Variants in CSGALNACT1 observed in about 807,000 individuals in gnomAD.
CSGALNACT1 encodes the protein beta4GalNAcT-1.
Under a neutral mutation model 51.0 loss-of-function variants are expected in CSGALNACT1, and 52 were observed. The ratio of observed to expected loss-of-function variants is 1.02; its 90% CI spans 0.82 to 1.29. CSGALNACT1 has a LOEUF of 1.29. Among genes scored for constraint, CSGALNACT1 ranks in the 50% most tolerant of loss-of-function variants. CSGALNACT1 has a pLI of 0.00. For missense variants in CSGALNACT1, 935 were observed against 679.2 expected, an observed-to-expected ratio of 1.38 and a Z score of -4.19; for synonymous variants, 341 against 254.4, an observed-to-expected ratio of 1.34 and a Z score of -3.24.
chr8:19,569,893 C>T (rs35265506), intron 3 of CSGALNACT1, among the ~76,000 whole-genome samples: 48,793 of 152,064 alleles, frequency 0.32, 9,611 homozygotes, highest in African/African-American at 0.57. Context: ...ACTACTGCTA[C>T]ATGCAGCCAT....
At chr8:19,590,982 T>C (rs2047690008) in intron 3 of CSGALNACT1, among the ~76,000 whole-genome samples, 1 of 152,176 alleles carries the variant, frequency 6.6e-6, no homozygotes. Flanking sequence ...ATTAGGTATT[T>C]CCTTTGTTCA....
intron 3 of CSGALNACT1, among the ~76,000 whole-genome samples, chr8:19,560,313 T>TTCA (rs1404006296): frequency 2.0e-5 from 3 of 152,164 alleles, no homozygotes; most frequent in Non-Finnish European, 4.4e-5. Context: ...ATAAAATATA[T>TTCA]TCATGACCTT....
At chr8:19,706,967 G>A (rs2062207948) in intron 1 of CSGALNACT1, among the ~76,000 whole-genome samples, 1 of 152,040 alleles carries the variant, frequency 6.6e-6, no homozygotes, top group Non-Finnish European at 1.5e-5. Flanking sequence ...GACAGTCCTA[G>A]AGCTAAAAAT....
intron 3 of CSGALNACT1, among the ~76,000 whole-genome samples, chr8:19,548,879 T>A (rs184195811): frequency 1.3e-5 from 2 of 152,294 alleles, no homozygotes; most frequent in Non-Finnish European, 2.9e-5. Context: ...AGTAGAGTGG[T>A]GCAGTCACAG....
exon 10 of CSGALNACT1, chr8:19,405,756 C>T (rs746051125): frequency 3.1e-6 from 5 of 1,613,858 alleles, no homozygotes; most frequent in African/African-American, 2.7e-5. Flanking sequence ...GAAAAAGTGT[C>T]TCCCACAATC....
At chr8:19,662,162 A>T (rs958875848) in intron 1 of CSGALNACT1, among the ~76,000 whole-genome samples, 3 of 143,908 alleles carry the variant, frequency 2.1e-5, no homozygotes, top group African/African-American at 7.7e-5. Flanking sequence ...TCACACTGGT[A>T]ATCCCAGCAC....
intron 8 of CSGALNACT1, among the ~76,000 whole-genome samples, chr8:19,412,212 C>A (rs1353478728): frequency 6.6e-6 from 1 of 152,218 alleles, no homozygotes; most frequent in Non-Finnish European, 1.5e-5. Context: ...TCCTCCCCAC[C>A]TGAGATCCCA....
chr8:19,505,862 G>A (rs373145665), exon 4 of CSGALNACT1: 19 of 1,604,520 alleles, frequency 1.2e-5, no homozygotes, highest in African/African-American at 9.3e-5. Flanking sequence ...GTCCAGAACC[G>A]GTGGCATCCC....
chr8:19,500,090 C>T (rs1028887196), intron 4 of CSGALNACT1, among the ~76,000 whole-genome samples: 1 of 152,192 alleles, frequency 6.6e-6, no homozygotes, highest in African/African-American at 2.4e-5. Context: ...TATTTGAAAG[C>T]AGTAAAAGGA....
chr8:19,656,162 T>G (rs1366358587), intron 1 of CSGALNACT1, among the ~76,000 whole-genome samples: 1 of 152,266 alleles, frequency 6.6e-6, no homozygotes, highest in South Asian at 2.1e-4. Flanking sequence ...AGCAACAAAG[T>G]GTCTGAAGAT....
intron 3 of CSGALNACT1, among the ~76,000 whole-genome samples, chr8:19,531,294 C>T (rs998426305): frequency 6.6e-6 from 1 of 152,112 alleles, no homozygotes; most frequent in Non-Finnish European, 1.5e-5. Flanking sequence ...CCAGAATTTT[C>T]ACTCATAGCT....
chr8:19,452,878 C>T (rs1372998623), intron 5 of CSGALNACT1, among the ~76,000 whole-genome samples: 2 of 152,126 alleles, frequency 1.3e-5, no homozygotes, highest in African/African-American at 4.8e-5. Context: ...TGCACAAAGC[C>T]CCTGGGGGTT....
chr8:19,526,606 T>C (rs759988409), intron 3 of CSGALNACT1, among the ~76,000 whole-genome samples: 3 of 152,012 alleles, frequency 2.0e-5, no homozygotes, highest in African/African-American at 4.8e-5. Flanking sequence ...AATTTATATA[T>C]AAAAATTGTA....
Position 19,492,651 on chromosome 8 carries a change from G to C in CSGALNACT1, c.634+12550C>G, listed in dbSNP as rs559783927. On this transcript the variant is annotated intron_variant, in intron 4 of 9. Coordinates refer to ENST00000454498, the Ensembl canonical transcript of CSGALNACT1. ...TAAGGGCATGTTCCATTCAACACCAGCTGGAAGCCCAGCCATGCTCTGGTC... is the reference window on the plus strand; with the variant it reads ...TAAGGGCATGTTCCATTCAACACCACCTGGAAGCCCAGCCATGCTCTGGTC... 8.0e-4 allele frequency among the ~76,000 whole-genome samples: 122 copies of C among 152,302 alleles called. 1 individual carries two copies. Among genetic ancestry groups the C allele is most frequent in the Middle Eastern group, 3.4e-3 (1 of 294 alleles).
At chr8:19,598,244 G>A (rs949332348) in intron 2 of CSGALNACT1, among the ~76,000 whole-genome samples, 3 of 152,160 alleles carry the variant, frequency 2.0e-5, no homozygotes, top group Non-Finnish European at 2.9e-5. Context: ...AAAACCTACT[G>A]GAAGGCATGC....
intron 1 of CSGALNACT1, among the ~76,000 whole-genome samples, chr8:19,720,511 A>C (rs572046090): frequency 6.6e-6 from 1 of 152,330 alleles, no homozygotes; most frequent in East Asian, 1.9e-4. Flanking sequence ...CTGGAGAGAC[A>C]CTGTTCAATC....
At chr8:19,683,359 G>A (rs2060770557), upstream of CSGALNACT1, 1 of 152,150 alleles carries the variant, frequency 6.6e-6, no homozygotes, top group Non-Finnish European at 1.5e-5. Flanking sequence ...TTGGTCATGA[G>A]AAACCACTCT....
At chr8:19,481,749 G>C (rs908701291) in intron 4 of CSGALNACT1, among the ~76,000 whole-genome samples, 1 of 152,120 alleles carries the variant, frequency 6.6e-6, no homozygotes, top group Admixed American at 6.5e-5. Context: ...ATGTTGCTGT[G>C]ATTATACCAC....
At chr8:19,505,467 A>G in exon 4 of CSGALNACT1, 1 of 1,614,158 alleles carries the variant, frequency 6.2e-7, no homozygotes, top group South Asian at 1.1e-5. Context: ...CGAGTGCAGG[A>G]AGGCCAGGAG....
Sources: gnomAD v4.1 joint callset for allele counts (sites outside exome capture counted in the v4.1 genomes callset) on GRCh38, gnomAD v4.1.1 for gene constraint, MANE v1.5 for transcripts, NCBI Gene and HGNC (gene_info 2026-07-23, HGNC 2026-07-21) for gene names.